The following CSMD2 variants were observed in gnomAD, a reference collection of about 807,000 sequenced individuals.
The protein encoded by CSMD2 is CUB and Sushi multiple domains 2.
In CSMD2, 130 loss-of-function variants were observed where a neutral mutation model predicts 398.5. The observed-to-expected ratio is 0.33, with a 90% CI of 0.28 to 0.38. The LOEUF (loss-of-function observed/expected upper bound fraction) is 0.38. Among genes scored for constraint, CSMD2 ranks in the 10% least tolerant of loss-of-function variants. The probability of loss-of-function intolerance (pLI) is 1.00; values close to 1 mark genes in which losing one functional copy is unlikely to be tolerated. For missense variants in CSMD2, 3,829 were observed against 4,764.9 expected (o/e 0.80, Z 5.78); for synonymous variants, 1,828 against 1,908.5 (o/e 0.96, Z 1.10).
At chr1:33,846,807 A>T in intron 6 of CSMD2, 77 bp downstream of exon 6, 1 of 848,858 alleles carries the variant, frequency 1.2e-6, no homozygotes, top group African/African-American at 1.8e-5. Context: ...CGGACCCAGT[A>T]GGGAGAGGTG....
At chr1:33,859,985 A>T (rs1404903105) in intron 5 of CSMD2, among the ~76,000 whole-genome samples, 1 of 152,220 alleles carries the variant, frequency 6.6e-6, no homozygotes, top group African/African-American at 2.4e-5. Flanking sequence ...TTGAAATAAG[A>T]GTGCAAAGAT....
At chr1:33,961,451 G>A (rs972157851) in intron 3 of CSMD2, among the ~76,000 whole-genome samples, 7 of 152,230 alleles carry the variant, frequency 4.6e-5, no homozygotes, top group African/African-American at 1.4e-4. Flanking sequence ...TGACATCTGG[G>A]AGGGAGTGGT....
chr1:33,589,573 A>G (rs919793245), intron 44 of CSMD2, among the ~76,000 whole-genome samples: 1 of 152,232 alleles, frequency 6.6e-6, no homozygotes, highest in African/African-American at 2.4e-5. Flanking sequence ...TTAACTGTCT[A>G]TTAAAAGAGT....
In CSMD2 at chr1:33,537,633, C is replaced by T. The variant is rs1655929396; in HGVS notation, c.9632-24G>A. On this transcript the variant is annotated intron_variant, in intron 60 of 70. Coordinates refer to ENST00000373381, the MANE Select transcript of CSMD2 (RefSeq NM_001281956.2). The surrounding 1 kb of genome is among the most constrained non-coding windows in gnomAD (Gnocchi z 4.6). ...AGCTGGGAAGACGAAGGGAGAAAGG[C>T]AGGTCTAAGTTGCTTTCCAGAACCC... The T allele has an allele frequency of 2.5e-6, 4 of 1,597,460 alleles. No individual in the cohort carries two copies. The highest frequency in any genetic ancestry group is 3.4e-6 in the Non-Finnish European group (4 of 1,170,826).
At chr1:33,850,683 A>G (rs1331021371) in intron 5 of CSMD2, among the ~76,000 whole-genome samples, 1 of 152,204 alleles carries the variant, frequency 6.6e-6, no homozygotes, top group Non-Finnish European at 1.5e-5. Context: ...GGCTTGGGGA[A>G]TTCCAAGTTC....
intron 44 of CSMD2, among the ~76,000 whole-genome samples, chr1:33,593,649 G>T (rs1639630305): frequency 6.6e-6 from 1 of 152,218 alleles, no homozygotes; most frequent in Non-Finnish European, 1.5e-5. Context: ...TACAATTCAA[G>T]ATGAGATTTG....
intron 44 of CSMD2, among the ~76,000 whole-genome samples, chr1:33,596,282 G>T (rs1639830363): frequency 1.3e-5 from 2 of 151,936 alleles, no homozygotes; most frequent in African/African-American, 4.8e-5. Flanking sequence ...CCCTACATGG[G>T]TGTCTGCTCA....
At chr1:33,792,260 C>G (rs1654413351) in intron 11 of CSMD2, among the ~76,000 whole-genome samples, 163 bp downstream of exon 11, 1 of 152,138 alleles carries the variant, frequency 6.6e-6, no homozygotes, top group Non-Finnish European at 1.5e-5. Flanking sequence ...TCCCCTTGGT[C>G]AGAGTAGAGA....
At chr1:33,551,778 T>C (rs1039288356) in intron 55 of CSMD2, among the ~76,000 whole-genome samples, 2 of 152,220 alleles carry the variant, frequency 1.3e-5, no homozygotes, top group Non-Finnish European at 2.9e-5. Context: ...GCCTTGTGAC[T>C]TGCTTTGAAT....
At chr1:33,726,983 C>T (rs1434926521) in intron 15 of CSMD2, among the ~76,000 whole-genome samples, 1 of 152,144 alleles carries the variant, frequency 6.6e-6, no homozygotes, top group Non-Finnish European at 1.5e-5. Context: ...TGGTGTTTTT[C>T]CTTCGTTCCT....
intron 6 of CSMD2, among the ~76,000 whole-genome samples, chr1:33,841,359 T>C (rs2125065806): frequency 6.6e-6 from 1 of 152,304 alleles, no homozygotes; most frequent in Admixed American, 6.5e-5. Context: ...GGATTGAGGG[T>C]TCCACTTCCT....
intron 3 of CSMD2, among the ~76,000 whole-genome samples, chr1:34,004,603 A>G (rs1647002917): frequency 6.6e-6 from 1 of 152,218 alleles, no homozygotes; most frequent in South Asian, 2.1e-4. Context: ...AAAGAAAAAC[A>G]CAGCATAAAC....
chr1:34,007,655 C>T lies in CSMD2; in HGVS notation c.517+24939G>A, dbSNP rs532012310. Among the ~76,000 whole-genome samples the T allele has an allele frequency of 1.6e-4, 25 of 152,196 alleles. No individual in the cohort carries two copies. The South Asian group carries it at 4.8e-3, about 29-fold the overall frequency. ...ATGATTTATGTATAGGAATGTTTCA[C>T]GACAGCATTATCTGTCAAAGGGGAA... On this transcript the variant is annotated intron_variant, in intron 3 of 70. Transcript: ENST00000373381.
chr1:33,741,366 C>G (rs1345288467), intron 14 of CSMD2, among the ~76,000 whole-genome samples: 1 of 152,132 alleles, frequency 6.6e-6, no homozygotes, highest in African/African-American at 2.4e-5. Flanking sequence ...TTCCCTGACA[C>G]TTGGCCATGG....
chr1:33,692,900 G>A (rs780121157), intron 25 of CSMD2, 30 bp downstream of exon 25: 6 of 1,605,390 alleles, frequency 3.7e-6, no homozygotes, highest in East Asian at 2.3e-5. Flanking sequence ...AACAACTGGC[G>A]ATAGTTACTT....
rs923158440 is a variant in CSMD2 at position 33,801,614 on chromosome 1, G to T, written c.1447-9088C>A. 3.3e-5 allele frequency among the ~76,000 whole-genome samples: 5 copies of T among 152,204 alleles called. No individual in the cohort carries two copies. The East Asian group carries it at 9.6e-4, about 29-fold the overall frequency. Reference sequence around the variant, plus strand: ...AACAAAGTGCTATTCCTGCTTTCAGGATGCTCACGAGCTATGGGGGAAATA... The same window carrying T: ...AACAAAGTGCTATTCCTGCTTTCAGTATGCTCACGAGCTATGGGGGAAATA... On this transcript the variant is annotated intron_variant, in intron 10 of 70. Transcript: ENST00000373381.
At chr1:33,665,204 T>C (rs1419111956) in intron 25 of CSMD2, among the ~76,000 whole-genome samples, 1 of 152,162 alleles carries the variant, frequency 6.6e-6, no homozygotes, top group Non-Finnish European at 1.5e-5. Flanking sequence ...TTCTCTTTTA[T>C]ATGATATATT....
chr1:34,080,921 G>GGAAAGAAAGAAAGAAAGAAAGAAA (rs10522397), intron 2 of CSMD2, among the ~76,000 whole-genome samples: 1,490 of 125,148 alleles, frequency 0.012, 24 homozygotes, highest in East Asian at 0.027. Context: ...CTAACTGAGT[G>GGAAAGAAAGAAAGAAAGAAAGAAA]GAAAGAAAGA....
At chr1:34,070,717 G>T (rs1655650604) in intron 2 of CSMD2, among the ~76,000 whole-genome samples, 1 of 151,498 alleles carries the variant, frequency 6.6e-6, no homozygotes. Flanking sequence ...GCAGACCAAG[G>T]CAGGTTTGAA....
Sources: gnomAD v4.1 joint callset for allele counts (sites outside exome capture counted in the v4.1 genomes callset) on GRCh38, gnomAD v4.1.1 for gene constraint, Gnocchi (gnomAD v3.1) non-coding constraint, MANE v1.5 for transcripts, NCBI Gene and HGNC (gene_info 2026-07-23, HGNC 2026-07-21) for gene names.